The following SIK3 variants were observed in gnomAD, a reference collection of about 807,000 sequenced individuals.
SIK3 encodes the protein SIK family kinase 3.
Under a neutral mutation model 144.2 loss-of-function variants are expected in SIK3, and 28 were observed. That is an observed-to-expected ratio of 0.19 (90% confidence interval 0.14 to 0.27). SIK3 has a LOEUF of 0.27. SIK3 is among the 10% of genes least tolerant of loss of function. The probability of loss-of-function intolerance (pLI) is 1.00; values close to 1 mark genes in which losing one functional copy is unlikely to be tolerated. For missense variants in SIK3, 1,319 were observed against 1,776.0 expected (o/e 0.74, Z 4.62); for synonymous variants, 686 against 676.3 (o/e 1.01, Z -0.22).
chr11:116,959,601 T>C (rs916656012), intron 1 of SIK3, among the ~76,000 whole-genome samples: 13 of 152,112 alleles, frequency 8.5e-5, no homozygotes, highest in African/African-American at 2.7e-4. Flanking sequence ...TTCTTTCACC[T>C]CCAAGAGATC....
At chr11:117,013,817 A>C (rs1432504181) in intron 1 of SIK3, among the ~76,000 whole-genome samples, 3 of 144,830 alleles carry the variant, frequency 2.1e-5, no homozygotes, top group African/African-American at 5.0e-5. Flanking sequence ...GACCCAGAGA[A>C]GGAAAGGAGA....
At chr11:117,066,532 TC>T (rs1003214750) in intron 1 of SIK3, among the ~76,000 whole-genome samples, 5 of 118,488 alleles carry the variant, frequency 4.2e-5, no homozygotes, top group African/African-American at 1.6e-4. Context: ...AAAGAAACAA[TC>T]CTTTTTTTTT....
intron 21 of SIK3, among the ~76,000 whole-genome samples, chr11:116,854,516 C>T (rs1415540290): frequency 6.6e-6 from 1 of 152,214 alleles, no homozygotes; most frequent in Non-Finnish European, 1.5e-5. Flanking sequence ...GTTTTACATC[C>T]CCTAGTAGAG....
intron 1 of SIK3, among the ~76,000 whole-genome samples, chr11:117,022,455 C>A (rs969479854): frequency 3.9e-5 from 6 of 152,178 alleles, no homozygotes; most frequent in Admixed American, 2.0e-4. Flanking sequence ...AAAACATATT[C>A]TTTCCTTTGG....
In SIK3 at chr11:116,857,968, G is replaced by A. The variant is rs1281025920; in HGVS notation, c.3497C>T (p.Thr1166Ile). ...FQDSKSSSTL[T>I]KGCHDSPLLL... ...CAGAGGGCTGTCATGGCAACCTTTG[G>A]TCAATGTACTTGAACTCTTACTGTC... Residue 1166 changes from threonine (T) to isoleucine (I), a missense_variant, in exon 21 of 25, where the codon ACC (threonine) becomes ATC (isoleucine). Physicochemically the swap from Thr to Ile is moderately conservative, Grantham distance 89. This residue lies in a region of SIK3 where 646 missense variants were observed against 763.7 expected (regional missense o/e 0.85). Transcript: ENST00000445177. The A allele has an allele frequency of 6.2e-7, 1 of 1,614,230 alleles. No homozygotes were observed. The highest frequency in any genetic ancestry group is 8.5e-7 in the Non-Finnish European group (1 of 1,180,052).
At chr11:117,035,080 T>A (rs1318102089) in intron 1 of SIK3, among the ~76,000 whole-genome samples, 1 of 152,248 alleles carries the variant, frequency 6.6e-6, no homozygotes, top group South Asian at 2.1e-4. Context: ...TTTATTTATC[T>A]CTTGGTTGTT....
chr11:116,924,239 T>G (rs1000526103), intron 4 of SIK3, among the ~76,000 whole-genome samples: 3 of 150,570 alleles, frequency 2.0e-5, no homozygotes, highest in African/African-American at 7.3e-5. Context: ...GAGGTTGCAG[T>G]GAGCGGAGAT....
intron 1 of SIK3, among the ~76,000 whole-genome samples, chr11:117,039,692 T>C (rs1437795360): frequency 2.6e-5 from 4 of 152,312 alleles, no homozygotes; most frequent in East Asian, 1.9e-4. Context: ...TAAGTAACAT[T>C]TGTTGGGCAC....
intron 4 of SIK3, among the ~76,000 whole-genome samples, chr11:116,922,367 T>C (rs1402036347): frequency 6.6e-6 from 1 of 152,100 alleles, no homozygotes; most frequent in African/African-American, 2.4e-5. Context: ...GGAACATGCC[T>C]GTAGTCCCAG....
intron 14 of SIK3, chr11:116,869,577 C>T (rs1943847849): frequency 6.6e-6 from 1 of 152,336 alleles, no homozygotes; most frequent in African/African-American, 2.4e-5. Context: ...AACATATAAT[C>T]TTGAAGAACA....
chr11:116,915,821 C>T (rs976523522), intron 4 of SIK3, among the ~76,000 whole-genome samples: 2 of 152,128 alleles, frequency 1.3e-5, no homozygotes, highest in African/African-American at 4.8e-5. Flanking sequence ...GTTCTTTATG[C>T]TTTATATAAT....
intron 1 of SIK3, among the ~76,000 whole-genome samples, chr11:117,086,108 C>T (rs1055419150): frequency 6.6e-6 from 1 of 152,150 alleles, no homozygotes; most frequent in African/African-American, 2.4e-5. Context: ...AAGCAGTTAC[C>T]ACCAAATGTC....
intron 3 of SIK3, chr11:116,950,293 T>G (rs1339835112): frequency 5.5e-6 from 2 of 366,324 alleles, no homozygotes; most frequent in Non-Finnish European, 1.1e-5. Flanking sequence ...CTGGAGAGAA[T>G]TGAGGAGAAG....
intron 1 of SIK3, among the ~76,000 whole-genome samples, chr11:116,994,536 AG>A (rs1203288020): frequency 4.6e-5 from 7 of 152,192 alleles, no homozygotes; most frequent in Non-Finnish European, 8.8e-5. Context: ...GGCAGTTGCC[AG>A]GTTTAGATGA....
At chr11:116,902,259 GCAGATAAAATGTA>G (rs1441341538) in intron 4 of SIK3, among the ~76,000 whole-genome samples, 1 of 152,166 alleles carries the variant, frequency 6.6e-6, no homozygotes, top group Non-Finnish European at 1.5e-5. Flanking sequence ...TCGCCTATAA[GCAGATAAAATGTA>G]CAGACTTCTC....
chr11:117,068,832 T>C (rs1954133923), intron 1 of SIK3, among the ~76,000 whole-genome samples: 1 of 152,258 alleles, frequency 6.6e-6, no homozygotes, highest in Admixed American at 6.5e-5. Context: ...GCCAGAACTA[T>C]AAAATATGAC....
At chr11:117,023,621 A>AATATATATAT (rs1555131639) in intron 1 of SIK3, among the ~76,000 whole-genome samples, 40 of 95,392 alleles carry the variant, frequency 4.2e-4, no homozygotes, top group African/African-American at 1.7e-3. Flanking sequence ...AAAAAAAAAA[A>AATATATATAT]ATATATATAT....
chr11:116,925,089 C>T (rs745489197), intron 4 of SIK3, among the ~76,000 whole-genome samples: 1 of 151,958 alleles, frequency 6.6e-6, no homozygotes. Context: ...GAGACCAGCA[C>T]GGCCAACATG....
At chr11:116,906,718 G>T (rs1031591531) in intron 4 of SIK3, among the ~76,000 whole-genome samples, 2 of 152,128 alleles carry the variant, frequency 1.3e-5, no homozygotes, top group Non-Finnish European at 2.9e-5. Flanking sequence ...AATTATTCTC[G>T]ATGAGAAATG....
Sources: gnomAD v4.1 joint callset for allele counts (sites outside exome capture counted in the v4.1 genomes callset) on GRCh38, gnomAD v4.1.1 for gene constraint, gnomAD v4.1.1 regional missense constraint, MANE v1.5 for transcripts, NCBI Gene and HGNC (gene_info 2026-07-23, HGNC 2026-07-21) for gene names.